The following APBA1 variants were observed in gnomAD, a reference collection of about 807,000 sequenced individuals.
The protein encoded by APBA1 is amyloid beta precursor protein binding family A member 1.
Under a neutral mutation model 86.6 loss-of-function variants are expected in APBA1, and 55 were observed. The ratio of observed to expected loss-of-function variants is 0.64; its 90% CI spans 0.51 to 0.80. APBA1 has a LOEUF of 0.80. Among genes scored for constraint, APBA1 ranks in the 30% least tolerant of loss-of-function variants. The pLI is 0.00. For missense variants in APBA1, 1,090 were observed against 1,183.0 expected, an observed-to-expected ratio of 0.92 and a Z score of 1.15; for synonymous variants, 511 against 493.9, an observed-to-expected ratio of 1.03 and a Z score of -0.46.
rs533175541 is a variant in APBA1 at position 69,502,091 on chromosome 9, T to C, written c.1200+13920A>G. Among the ~76,000 whole-genome samples, 3 of 152,200 alleles carry C rather than the reference T, an allele frequency of 2.0e-5. No homozygotes were observed. The East Asian group carries it at 5.8e-4, about 29-fold the overall frequency. The stretch of plus-strand genomic sequence containing the variant: ...TCAAAAAGTTGAGAAAGATTCCTCT[T>C]GGGAGAGGGGTCAGGCAAAGTGAAA... On this transcript the variant is annotated intron_variant, in intron 2 of 12. Coordinates refer to ENST00000265381, the MANE Select transcript of APBA1 (RefSeq NM_001163.4).
Position 69,449,718 on chromosome 9 carries a change from C to A in APBA1, c.2047G>T (p.Val683Leu). ...CCATGCATCATGTTGGCAATGATCA[C>A]GGTGGGGAGGATGGATCCCCAGCCA... ...ESGWGSILPT[V>L]IIANMMHGGP... The change falls in exon 10 of 13, where the codon GTG becomes TTG. Residue 683 changes from valine to leucine, a missense_variant. Physicochemically the swap from Val to Leu is conservative, Grantham distance 32. Coordinates refer to ENST00000265381, the MANE Select transcript of APBA1 (RefSeq NM_001163.4). The A allele has an allele frequency of 6.2e-7, 1 of 1,614,072 alleles. No homozygotes were observed. The highest frequency in any genetic ancestry group is 8.5e-7 in the Non-Finnish European group (1 of 1,180,002).
chr9:69,524,380 C>T (rs1331378070), intron 1 of APBA1, among the ~76,000 whole-genome samples: 5 of 152,016 alleles, frequency 3.3e-5, no homozygotes, highest in South Asian at 4.1e-4. Flanking sequence ...TAAATACAAT[C>T]GGAAATGACA....
At chr9:69,577,627 CAAAT>C (rs1320738102) in intron 1 of APBA1, among the ~76,000 whole-genome samples, 1 of 152,090 alleles carries the variant, frequency 6.6e-6, no homozygotes, top group East Asian at 1.9e-4. Flanking sequence ...AAATGTTACT[CAAAT>C]AAAATTACTT....
At chr9:69,607,227 C>A (rs891902125) in intron 1 of APBA1, among the ~76,000 whole-genome samples, 1 of 152,152 alleles carries the variant, frequency 6.6e-6, no homozygotes, top group Non-Finnish European at 1.5e-5. Flanking sequence ...GCTGAGAAGG[C>A]CTCACGGTCA....
chr9:69,662,543 T>C (rs896861660), intron 1 of APBA1, among the ~76,000 whole-genome samples: 14 of 152,256 alleles, frequency 9.2e-5, no homozygotes, highest in African/African-American at 3.1e-4. Context: ...GAACAAATTC[T>C]AGCTCCTTTA....
At chr9:69,499,712 G>A (rs906660571) in intron 2 of APBA1, among the ~76,000 whole-genome samples, 3 of 151,070 alleles carry the variant, frequency 2.0e-5, no homozygotes, top group Non-Finnish European at 4.4e-5. Flanking sequence ...ATTCAGGGCA[G>A]GGAGAGGGTA....
intron 1 of APBA1, among the ~76,000 whole-genome samples, chr9:69,527,544 T>G (rs1836363632): frequency 6.6e-6 from 1 of 152,146 alleles, no homozygotes; most frequent in African/African-American, 2.4e-5. Context: ...TTAAATAACT[T>G]GTCCAAGGTC....
chr9:69,454,487 G>C (rs977910839), intron 8 of APBA1, among the ~76,000 whole-genome samples: 3 of 152,188 alleles, frequency 2.0e-5, no homozygotes, highest in African/African-American at 7.2e-5. Flanking sequence ...GCCTGGTGAG[G>C]GAGGTACTAT....
intron 10 of APBA1, among the ~76,000 whole-genome samples, chr9:69,441,988 T>C (rs1372813766): frequency 6.6e-6 from 1 of 152,194 alleles, no homozygotes; most frequent in Non-Finnish European, 1.5e-5. Context: ...CCTGGTGTGC[T>C]CAGAAGCATC....
At chr9:69,452,864 T>C (rs1835035154) in intron 8 of APBA1, among the ~76,000 whole-genome samples, 2 of 152,222 alleles carry the variant, frequency 1.3e-5, no homozygotes. Flanking sequence ...GTGATATCTG[T>C]GTTGCCGATA....
intron 4 of APBA1, among the ~76,000 whole-genome samples, chr9:69,469,399 A>G (rs1175057815): frequency 6.6e-6 from 1 of 152,224 alleles, no homozygotes; most frequent in Non-Finnish European, 1.5e-5. Flanking sequence ...ATGTAAAATA[A>G]TCTACTCATT....
chr9:69,511,258 C>T (rs1312411051), intron 2 of APBA1, among the ~76,000 whole-genome samples: 8 of 152,024 alleles, frequency 5.3e-5, no homozygotes, highest in African/African-American at 1.5e-4. Flanking sequence ...AAAAAGTGGC[C>T]GAAGGACATG....
intron 11 of APBA1, among the ~76,000 whole-genome samples, chr9:69,434,813 A>G (rs1308463448): frequency 6.6e-6 from 1 of 152,010 alleles, no homozygotes; most frequent in South Asian, 2.1e-4. Flanking sequence ...TTATTAGTAT[A>G]CTTTAAGTTT....
intron 1 of APBA1, among the ~76,000 whole-genome samples, chr9:69,591,264 T>C (rs1231736148): frequency 6.6e-6 from 1 of 152,196 alleles, no homozygotes; most frequent in Non-Finnish European, 1.5e-5. Flanking sequence ...CTTTTCTGAA[T>C]CTAGCCTTCC....
At chr9:69,650,683 G>C (rs900499055) in intron 1 of APBA1, among the ~76,000 whole-genome samples, 2 of 152,136 alleles carry the variant, frequency 1.3e-5, no homozygotes, top group Non-Finnish European at 2.9e-5. Flanking sequence ...CCCTTTGATA[G>C]ATAAAGTAAC....
At chr9:69,435,066 T>C (rs1462096758) in intron 11 of APBA1, among the ~76,000 whole-genome samples, 2 of 151,456 alleles carry the variant, frequency 1.3e-5, no homozygotes, top group African/African-American at 2.4e-5. Flanking sequence ...GTCCTTGCCA[T>C]AGTTTTCTGA....
At chr9:69,622,217 T>C (rs1024647692) in intron 1 of APBA1, among the ~76,000 whole-genome samples, 1 of 152,188 alleles carries the variant, frequency 6.6e-6, no homozygotes, top group Admixed American at 6.5e-5. Context: ...ACCAGCAGAA[T>C]AAGCCCACTT....
intron 1 of APBA1, among the ~76,000 whole-genome samples, chr9:69,651,737 G>A (rs1349446809): frequency 1.3e-5 from 2 of 152,202 alleles, no homozygotes; most frequent in Admixed American, 6.5e-5. Context: ...GGGCCTCCCA[G>A]AGCGCTGAGA....
intron 1 of APBA1, among the ~76,000 whole-genome samples, chr9:69,566,455 G>A (rs1438408881): frequency 6.6e-6 from 1 of 152,204 alleles, no homozygotes; most frequent in Non-Finnish European, 1.5e-5. Flanking sequence ...ATGGGGCCTA[G>A]TGCTTATTGG....
Sources: allele counts gnomAD v4.1 joint callset (sites outside exome capture counted in the v4.1 genomes callset), GRCh38; gene constraint gnomAD v4.1.1; transcripts MANE v1.5; gene names NCBI Gene and HGNC (gene_info 2026-07-23, HGNC 2026-07-21).